Variants in SHANK2 observed in about 807,000 individuals in gnomAD.
SHANK2 encodes the protein SH3 and multiple ankyrin repeat domains protein 2.
Under a neutral mutation model 133.7 loss-of-function variants are expected in SHANK2, and 43 were observed. That is an observed-to-expected ratio of 0.32 (90% confidence interval 0.25 to 0.41). The LOEUF (loss-of-function observed/expected upper bound fraction) is 0.41, where lower values mean the gene tolerates loss of function less well. SHANK2 is among the 10% of genes least tolerant of loss of function. SHANK2 has a pLI of 1.00. For missense variants in SHANK2, 1,994 were observed against 2,235.8 expected (o/e 0.89, Z 2.18); for synonymous variants, 1,017 against 952.8 (o/e 1.07, Z -1.24).
At chr11:70,935,720 A>C (rs565707941) in intron 10 of SHANK2, among the ~76,000 whole-genome samples, 1 of 150,530 alleles carries the variant, frequency 6.6e-6, no homozygotes, top group South Asian at 2.1e-4. Flanking sequence ...TGAAAAAAAC[A>C]GACTCTGTCC....
intron 11 of SHANK2, chr11:70,862,907 T>C (rs888735540): frequency 1.1e-5 from 3 of 261,244 alleles, no homozygotes; most frequent in Non-Finnish European, 2.3e-5. Flanking sequence ...GTGGGGCTGA[T>C]TTTGCTGAAG....
chr11:71,124,778 C>T lies in SHANK2; in HGVS notation c.208-5746G>A, dbSNP rs1952152039. ...CAAATCATAAATTAGAGGCATATCC[C>T]ATTCTATTTCACTTGCTTTATTGAG... On this transcript the variant is annotated intron_variant, in intron 3 of 25. Transcript: ENST00000601538. Among the ~76,000 whole-genome samples the T allele has an allele frequency of 2.0e-5, 3 of 152,244 alleles. No individual in the cohort carries two copies. In the South Asian group the frequency reaches 6.2e-4, roughly 32 times the overall value.
chr11:71,206,587 A>G (rs1954131442), intron 2 of SHANK2, among the ~76,000 whole-genome samples: 1 of 152,070 alleles, frequency 6.6e-6, no homozygotes. Flanking sequence ...ATGTCCCCAT[A>G]CCTCCAAAAA....
chr11:70,911,944 T>C (rs1427627600), intron 10 of SHANK2, among the ~76,000 whole-genome samples: 1 of 151,712 alleles, frequency 6.6e-6, no homozygotes, highest in Non-Finnish European at 1.5e-5. Flanking sequence ...CAGCTGGGCA[T>C]GGTGGCAGGC....
At chr11:70,647,158 G>A (rs578048153) in intron 17 of SHANK2, among the ~76,000 whole-genome samples, 50 of 152,192 alleles carry the variant, frequency 3.3e-4, no homozygotes, top group Admixed American at 8.5e-4. Flanking sequence ...GAGCCACCGC[G>A]CCCAGCCAAA....
intron 17 of SHANK2, among the ~76,000 whole-genome samples, chr11:70,646,650 G>C (rs545621771): frequency 1.3e-5 from 2 of 152,144 alleles, no homozygotes; most frequent in African/African-American, 4.8e-5. Context: ...ACAAGCAGTT[G>C]CTCAAAATAA....
At position 70,882,872 on chromosome 11, in the gene SHANK2, C is replaced by T. The variant is rs1373327923; in HGVS notation, c.1174+13629G>A. 1.3e-5 allele frequency among the ~76,000 whole-genome samples: 2 copies of T among 152,120 alleles called. No individual in the cohort carries two copies. Among genetic ancestry groups the T allele is most frequent in the Non-Finnish European group, 2.9e-5 (2 of 68,018 alleles). On this transcript the variant is annotated intron_variant, in intron 11 of 25. Coordinates refer to ENST00000601538, the MANE Select transcript of SHANK2 (RefSeq NM_012309.5). The surrounding 1 kb of genome is among the most constrained non-coding windows in gnomAD (Gnocchi z 4.2). Reference sequence around the variant, plus strand: ...GATTTTGCAGGAGTGAGGGGAGGTCCTGAGGAAACAGCTGCAGGTGAACAG... The same window carrying T: ...GATTTTGCAGGAGTGAGGGGAGGTCTTGAGGAAACAGCTGCAGGTGAACAG...
At chr11:70,847,619 C>T (rs561184447) in intron 11 of SHANK2, among the ~76,000 whole-genome samples, 7 of 152,362 alleles carry the variant, frequency 4.6e-5, no homozygotes, top group Middle Eastern at 6.8e-3. Flanking sequence ...CGCTCAGCAG[C>T]GACGCCATCC....
At chr11:70,596,862 G>A (rs1257035777) in intron 17 of SHANK2, among the ~76,000 whole-genome samples, 2 of 152,144 alleles carry the variant, frequency 1.3e-5, no homozygotes, top group Non-Finnish European at 2.9e-5. Flanking sequence ...ACAGTGCGTC[G>A]GGCTGTGGCA....
intron 3 of SHANK2, among the ~76,000 whole-genome samples, chr11:71,142,524 A>AC (rs1210735875): frequency 6.6e-5 from 10 of 152,168 alleles, no homozygotes; most frequent in Admixed American, 2.6e-4. Context: ...AAACAAACAA[A>AC]AAAAAATGGC....
At chr11:70,940,237 C>CCCT (rs1555084167) in intron 10 of SHANK2, among the ~76,000 whole-genome samples, 38 of 114,908 alleles carry the variant, frequency 3.3e-4, no homozygotes, top group Non-Finnish European at 5.4e-4. Context: ...CTCCCTTCTT[C>CCCT]TCTCTCTCTC....
chr11:70,622,506 C>T (rs782732234), intron 17 of SHANK2, among the ~76,000 whole-genome samples: 13 of 152,176 alleles, frequency 8.5e-5, no homozygotes, highest in East Asian at 5.8e-4. Context: ...ACAGTTCAGG[C>T]GGCCTCCAGT....
intron 14 of SHANK2, among the ~76,000 whole-genome samples, chr11:70,753,554 T>C (rs1555037953): frequency 6.6e-6 from 1 of 152,078 alleles, no homozygotes; most frequent in Non-Finnish European, 1.5e-5. Flanking sequence ...AGTTCAAAGG[T>C]AGTTCTTTCA....
At chr11:71,223,285 G>T (rs547690122) in intron 2 of SHANK2, among the ~76,000 whole-genome samples, 12 of 152,352 alleles carry the variant, frequency 7.9e-5, no homozygotes, top group African/African-American at 2.9e-4. Flanking sequence ...GGACCCCAGG[G>T]TGTGCATTCT....
chr11:70,555,220 T>A (rs1391226959), intron 17 of SHANK2, among the ~76,000 whole-genome samples: 2 of 152,180 alleles, frequency 1.3e-5, no homozygotes, highest in African/African-American at 4.8e-5. Flanking sequence ...GCCTCCTTAC[T>A]CCCTGAGACA....
chr11:70,790,238 G>A (rs1555047631), intron 14 of SHANK2, among the ~76,000 whole-genome samples: 2 of 152,342 alleles, frequency 1.3e-5, no homozygotes, highest in East Asian at 3.9e-4. Flanking sequence ...CTTGGAAGAT[G>A]CGGAAGGCAG....
In SHANK2 at chr11:70,745,640, T is replaced by C. The variant is rs554274350; in HGVS notation, c.1778-46877A>G. Among the ~76,000 whole-genome samples the C allele has an allele frequency of 1.1e-3, 169 of 152,206 alleles. 1 individual carries two copies. The highest frequency in any genetic ancestry group is 4.0e-3 in the African/African-American group (165 of 41,546). ...CAATCCTCTCCGGGGAACGTGGGTC[T>C]CGTGTAGAGTAAGCTTGGATGGGTA... On this transcript the variant is annotated intron_variant, in intron 14 of 25. Coordinates refer to ENST00000601538, the MANE Select transcript of SHANK2 (RefSeq NM_012309.5).
chr11:70,525,572 G>C (rs1230622483), intron 17 of SHANK2, among the ~76,000 whole-genome samples: 2 of 152,128 alleles, frequency 1.3e-5, no homozygotes, highest in Admixed American at 6.5e-5. Flanking sequence ...GAGAAAACAG[G>C]CTCTTTCTTT....
intron 2 of SHANK2, among the ~76,000 whole-genome samples, chr11:71,193,755 G>A (rs1477329288): frequency 3.9e-5 from 6 of 152,150 alleles, no homozygotes; most frequent in African/African-American, 1.2e-4. Context: ...GAGGCCAGGA[G>A]GCCCAGGTCC....
Sources: gnomAD v4.1 joint callset for allele counts (sites outside exome capture counted in the v4.1 genomes callset) on GRCh38, gnomAD v4.1.1 for gene constraint, Gnocchi (gnomAD v3.1) non-coding constraint, MANE v1.5 for transcripts, NCBI Gene and HGNC (gene_info 2026-07-23, HGNC 2026-07-21) for gene names.